The following SHC3 variants were observed in gnomAD, a reference collection of about 807,000 sequenced individuals.
The protein encoded by SHC3 is SHC-transforming protein 3.
A neutral mutation model predicts 60.4 loss-of-function variants in SHC3; 15 were observed. The observed-to-expected ratio is 0.25, with a 90% CI of 0.17 to 0.38. The LOEUF is 0.38. Among genes scored for constraint, SHC3 ranks in the 10% least tolerant of loss-of-function variants. SHC3 has a pLI of 1.00. For synonymous variants in SHC3, 294 were observed against 325.9 expected (o/e 0.90, Z 1.05); for missense variants, 677 against 786.1 (o/e 0.86, Z 1.66).
Position 89,042,132 on chromosome 9 carries a change from C to T in SHC3, c.1254G>A (p.Thr418=), listed in dbSNP as rs769318109. ...TGTTGACGTAGGTGGGTGCTTCTCC[C>T]GTGGGGGCCACGTGCAGTTTCCCTT... ...TPEGKLHVAP[T]GEAPTYVNTQ... Residue 418 remains threonine (T), a synonymous_variant, in exon 10 of 12, where the codon ACG becomes ACA. Transcript: ENST00000375835. The T allele has an allele frequency of 5.7e-6, 9 of 1,568,044 alleles. No homozygotes were observed. The highest frequency in any genetic ancestry group is 2.3e-5 in the East Asian group (1 of 43,472).
chr9:89,064,253 T>A (rs893813297), intron 6 of SHC3, among the ~76,000 whole-genome samples: 5 of 152,210 alleles, frequency 3.3e-5, no homozygotes, highest in African/African-American at 7.2e-5. Flanking sequence ...ATTCAGTCCA[T>A]AAGAGGGCCC....
chr9:89,178,538 G>A lies in SHC3; in HGVS notation c.-78C>T. 1.5e-6 allele frequency: 2 copies of A among 1,333,724 alleles called. No homozygotes were observed. Among genetic ancestry groups the A allele is most frequent in the East Asian group, 2.8e-5 (1 of 35,264 alleles). The allele number at this position is 1,333,724 out of a possible 1,614,324, so 82.6% of individuals were successfully genotyped here. The stretch of plus-strand genomic sequence containing the variant: ...GCGCGGGCTGCCGCGCATAGCAGGC[G>A]AGCCACTGTCCCCGGAGCGGGACGG... On this transcript the variant is annotated 5_prime_UTR_variant, in exon 1 of 12. Transcript: ENST00000375835. This position sits in a 1 kb window ranked among gnomAD's most constrained non-coding sequence, Gnocchi z 6.9.
chr9:89,133,069 A>T (rs1239941752), intron 1 of SHC3, among the ~76,000 whole-genome samples: 2 of 152,212 alleles, frequency 1.3e-5, no homozygotes, highest in Non-Finnish European at 2.9e-5. Flanking sequence ...ACAAGAAAAA[A>T]ATCAAACAAC....
chr9:89,106,133 A>T (rs560170661), intron 2 of SHC3, among the ~76,000 whole-genome samples: 3 of 152,156 alleles, frequency 2.0e-5, no homozygotes, highest in South Asian at 4.2e-4. Context: ...GGTCAATCTC[A>T]TTGGTGGAAT....
At chr9:89,059,347 G>C (rs1022196287) in intron 6 of SHC3, among the ~76,000 whole-genome samples, 5 of 140,132 alleles carry the variant, frequency 3.6e-5, no homozygotes, top group African/African-American at 1.2e-4. Flanking sequence ...GGAGGACGGT[G>C]GTGGAGGATG....
chr9:89,053,694 C>A (rs1489118819), intron 6 of SHC3, among the ~76,000 whole-genome samples: 2 of 152,320 alleles, frequency 1.3e-5, no homozygotes, highest in African/African-American at 4.8e-5. Context: ...GTTCAGACAT[C>A]CTGGTTGTCT....
intron 1 of SHC3, among the ~76,000 whole-genome samples, chr9:89,157,253 A>T (rs1055267684): frequency 6.6e-6 from 1 of 152,216 alleles, no homozygotes; most frequent in Non-Finnish European, 1.5e-5. Flanking sequence ...TGGCCCATAC[A>T]TATAACCACA....
At chr9:89,057,617 T>C (rs1018511992) in intron 6 of SHC3, among the ~76,000 whole-genome samples, 2 of 152,128 alleles carry the variant, frequency 1.3e-5, no homozygotes, top group Non-Finnish European at 2.9e-5. Flanking sequence ...GGGAAATTCC[T>C]GGACGAGAGC....
At position 89,158,058 on chromosome 9, in the gene SHC3, T is replaced by C. The variant is rs1012184386; in HGVS notation, c.474+19929A>G. On this transcript the variant is annotated intron_variant, in intron 1 of 11. Transcript: ENST00000375835. The stretch of plus-strand genomic sequence containing the variant: ...GTTATTGCCTTCCTTCTGCTTGCTT[T>C]AACCCTTTTTTTTAGTTTCTTGAGG... Among the ~76,000 whole-genome samples, 116 of 151,844 alleles carry C rather than the reference T, an allele frequency of 7.6e-4. 2 individuals are homozygous for C. The highest frequency in any genetic ancestry group is 2.7e-3 in the African/African-American group (113 of 41,426).
In SHC3 at chr9:89,159,828, A is replaced by G. The variant is rs145467090; in HGVS notation, c.474+18159T>C. 8.0e-3 allele frequency among the ~76,000 whole-genome samples: 1,223 copies of G among 152,354 alleles called. 16 individuals carry two copies. Among genetic ancestry groups the G allele is most frequent in the African/African-American group, 0.027 (1,130 of 41,584 alleles). ...TCTAGCCATGCTGGCAGCTGATTAG[A>G]TGGTGCCCACCCAGATTAAGGTCTG... On this transcript the variant is annotated intron_variant, in intron 1 of 11. Transcript: ENST00000375835.
Position 89,038,285 on chromosome 9 carries a change from G to A in SHC3, c.1364C>T (p.Pro455Leu), listed in dbSNP as rs747939301. 1 of 1,608,290 alleles carries A rather than the reference G, an allele frequency of 6.2e-7. No individual in the cohort carries two copies. Among genetic ancestry groups the A allele is most frequent in the Non-Finnish European group, 8.5e-7 (1 of 1,177,544 alleles). Reference protein sequence around the residue: ...SPRKDLFDMKPFEDALKNQPL... With the variant: ...SPRKDLFDMKLFEDALKNQPL... ...CTGGTTCTTGAGAGCATCTTCAAAA[G>A]GTTCTGTCATCAACAATATTGACCA... is the stretch of plus-strand genomic sequence containing the variant. Residue 455 changes from proline to leucine, a missense_variant, in exon 11 of 12, where the codon CCT (proline) becomes CTT (leucine). By Grantham distance (98) the Pro-to-Leu change is moderately conservative (BLOSUM62 -3). Transcript: ENST00000375835.
At chr9:89,062,479 T>C (rs781504519) in intron 6 of SHC3, among the ~76,000 whole-genome samples, 4 of 152,228 alleles carry the variant, frequency 2.6e-5, no homozygotes, top group East Asian at 1.9e-4. Flanking sequence ...GGATTCTTGA[T>C]ACCAGAGAGA....
chr9:89,151,695 T>A (rs1054933713), intron 1 of SHC3, among the ~76,000 whole-genome samples: 1 of 152,238 alleles, frequency 6.6e-6, no homozygotes, highest in East Asian at 1.9e-4. Context: ...TAGAATATTA[T>A]GCAGCTATTA....
At chr9:89,066,976 C>G (rs572397269) in intron 5 of SHC3, among the ~76,000 whole-genome samples, 1 of 152,314 alleles carries the variant, frequency 6.6e-6, no homozygotes, top group East Asian at 1.9e-4. Context: ...CAAGACCACA[C>G]CAGTGTAGCA....
intron 1 of SHC3, among the ~76,000 whole-genome samples, chr9:89,141,344 GA>G (rs138431693): frequency 0.013 from 2,029 of 152,304 alleles, 20 homozygotes; most frequent in South Asian, 0.033. Context: ...CTTTATGACA[GA>G]ACAATACAGA....
intron 2 of SHC3, among the ~76,000 whole-genome samples, chr9:89,098,129 A>G (rs1329424640): frequency 1.3e-5 from 2 of 152,242 alleles, no homozygotes; most frequent in Non-Finnish European, 2.9e-5. Flanking sequence ...AGACAGCAAT[A>G]GGCAAATTAA....
chr9:89,045,595 A>G (rs908219439), intron 9 of SHC3, 151 bp downstream of exon 9: 1 of 681,844 alleles, frequency 1.5e-6, no homozygotes, highest in South Asian at 1.9e-5. Flanking sequence ...TTCTATTTCT[A>G]TAGTCTAGTC....
chr9:89,091,210 A>ATT (rs1239930905), intron 2 of SHC3, among the ~76,000 whole-genome samples: 1 of 152,236 alleles, frequency 6.6e-6, no homozygotes, highest in East Asian at 1.9e-4. Context: ...GTGAAGAAAA[A>ATT]TTTTAAAACA....
At chr9:89,056,284 T>A (rs903901531) in intron 6 of SHC3, among the ~76,000 whole-genome samples, 6 of 152,346 alleles carry the variant, frequency 3.9e-5, no homozygotes, top group Admixed American at 2.6e-4. Context: ...TTCACTCTTG[T>A]CGCCCAGGCT....
Sources: allele counts gnomAD v4.1 joint callset (sites outside exome capture counted in the v4.1 genomes callset), GRCh38; gene constraint gnomAD v4.1.1; non-coding constraint Gnocchi (gnomAD v3.1); transcripts MANE v1.5; gene names NCBI Gene and HGNC (gene_info 2026-07-23, HGNC 2026-07-21).